The following TRPM1 variants were observed in gnomAD, a reference collection of about 807,000 sequenced individuals.
The protein encoded by TRPM1 is transient receptor potential cation channel subfamily M member 1, also known as TRPM1-203 APA Isoform, Intron 10.
In TRPM1, 113 loss-of-function variants were observed where a neutral mutation model predicts 149.4. The ratio of observed to expected loss-of-function variants is 0.76; its 90% CI spans 0.65 to 0.88. The LOEUF (loss-of-function observed/expected upper bound fraction) is 0.88, where lower values mean the gene tolerates loss of function less well. TRPM1 is among the 40% of genes least tolerant of loss of function. The probability of loss-of-function intolerance (pLI) is 0.00; values close to 1 mark genes in which losing one functional copy is unlikely to be tolerated. For synonymous variants in TRPM1, 741 were observed against 759.5 expected (o/e 0.98, Z 0.40); for missense variants, 1,976 against 2,038.7 (o/e 0.97, Z 0.59).
At chr15:31,022,993 C>T (rs953337726) in intron 27 of TRPM1, among the ~76,000 whole-genome samples, 28 of 152,210 alleles carry the variant, frequency 1.8e-4, no homozygotes, top group African/African-American at 6.8e-4. Flanking sequence ...CTGCACTGGG[C>T]ACAGAGCGAG....
chr15:31,038,163 T>A lies in TRPM1; in HGVS notation c.2320A>T (p.Ile774Phe), dbSNP rs748551122. ...RMRKNPGLKV[I>F]MGILLPPTIL... ...GTGGGGGGTAGAAGAATCCCCATGA[T>A]AACCTACGGAACATAAATTGATTTT... Residue 774 changes from isoleucine to phenylalanine, a missense_variant, in exon 19 of 28, where the codon ATC (isoleucine) becomes TTC (phenylalanine). Physicochemically the swap from Ile to Phe is conservative, Grantham distance 21. Transcript: ENST00000256552. 6.2e-7 allele frequency: 1 copy of A among 1,613,986 alleles called. No individual in the cohort carries two copies. Among genetic ancestry groups the A allele is most frequent in the African/African-American group, 1.3e-5 (1 of 74,912 alleles).
At chr15:31,066,987 C>A in intron 6 of TRPM1, 76 bp downstream of exon 6, 1 of 1,587,812 alleles carries the variant, frequency 6.3e-7, no homozygotes, top group Non-Finnish European at 8.6e-7. Context: ...CTTACAACTG[C>A]ATCTGAATCA....
In TRPM1 at chr15:31,063,913, G is replaced by T. The variant is rs138274880; in HGVS notation, c.791-621C>A. ...GGTGACCACTGAGAAATATTGGAAGGTATTCCTGGCTGGAAAAATATCCCC... is the reference window on the plus strand; with the variant it reads ...GGTGACCACTGAGAAATATTGGAAGTTATTCCTGGCTGGAAAAATATCCCC... On this transcript the variant is annotated intron_variant, in intron 7 of 27. Coordinates refer to ENST00000256552, the MANE Select transcript of TRPM1 (RefSeq NM_001252024.2). Among the ~76,000 whole-genome samples the T allele has an allele frequency of 4.6e-5, 7 of 152,252 alleles. No homozygotes were observed. The East Asian group carries it at 1.3e-3, about 29-fold the overall frequency.
intron 1 of TRPM1, among the ~76,000 whole-genome samples, chr15:31,113,513 C>G (rs1360572633): frequency 6.6e-6 from 1 of 151,732 alleles, no homozygotes; most frequent in East Asian, 1.9e-4. Flanking sequence ...TGAGAATTTT[C>G]CAAACTGTCA....
chr15:31,113,192 CTGG>C, intron 1 of TRPM1, among the ~76,000 whole-genome samples: 1 of 152,312 alleles, frequency 6.6e-6, no homozygotes, highest in East Asian at 1.9e-4. Flanking sequence ...CCTTCTCCAG[CTGG>C]TGAATGGTAA....
In TRPM1 at chr15:31,136,749, C is replaced by CTT. The variant is rs60370849; in HGVS notation, c.54+24155_54+24156dup. Among the ~76,000 whole-genome samples, 132 of 137,848 alleles carry CTT rather than the reference C, an allele frequency of 9.6e-4. 7 individuals carry two copies. The highest frequency in any genetic ancestry group is 2.8e-3 in the African/African-American group (104 of 37,390). The allele number at this position is 137,848 out of a possible 152,430, so 90.4% of individuals were successfully genotyped here. A position where few individuals can be genotyped will look rare whatever the true frequency, so the allele number is the denominator to read the frequency against. On this transcript the variant is annotated intron_variant, in intron 1 of 26. Coordinates refer to the TRPM1 transcript ENST00000542188. ...TCTGCTTTCCTCAGCCGCCCCCACC[C>CTT]TTTTTTTTTTTTTTGCCTATAAAGC...
intron 27 of TRPM1, among the ~76,000 whole-genome samples, 153 bp downstream of exon 27, chr15:31,025,986 A>G (rs1445463487): frequency 6.6e-6 from 1 of 152,248 alleles, no homozygotes; most frequent in African/African-American, 2.4e-5. Flanking sequence ...CTTTCTCACT[A>G]TTTCGTGGGA....
chr15:31,003,074 G>A lies in TRPM1; in HGVS notation c.3630-4C>T, dbSNP rs2031855386. 1 of 1,600,666 alleles carries A rather than the reference G, an allele frequency of 6.2e-7. No homozygotes were observed. The highest frequency in any genetic ancestry group is 2.2e-5 in the East Asian group (1 of 44,810). Reference sequence around the variant, plus strand: ...CCTCATTGACATATTTTCAACTCTGGTGAATATAAAGGGATAGATTTATTA... The same window carrying A: ...CCTCATTGACATATTTTCAACTCTGATGAATATAAAGGGATAGATTTATTA... On this transcript the variant is annotated splice_polypyrimidine_tract_variant and splice_region_variant and intron_variant, in intron 27 of 27. Coordinates refer to ENST00000256552, the MANE Select transcript of TRPM1 (RefSeq NM_001252024.2).
Position 31,050,522 on chromosome 15 carries a change from G to T in TRPM1, c.1324C>A (p.Pro442Thr), listed in dbSNP as rs373102819. The T allele has an allele frequency of 7.5e-5, 121 of 1,613,920 alleles. No homozygotes were observed. Among genetic ancestry groups the T allele is most frequent in the Middle Eastern group, 3.3e-4 (2 of 6,062 alleles). The part of the protein sequence containing the change: ...SKATEKEKKP[P>T]MATTKGGRGK... ...CTTCCTCCCTTGGTGGTGGCCATGG[G>T]TGGCTTCTTCTCCTTCTCCGTGGCT... Residue 442 changes from proline (P) to threonine (T), a missense_variant, in exon 12 of 28, where the codon CCC (proline) becomes ACC (threonine). Coordinates refer to ENST00000256552, the MANE Select transcript of TRPM1 (RefSeq NM_001252024.2).
Position 31,067,100 on chromosome 15 carries a change from C to T in TRPM1, c.581G>A (p.Gly194Asp). ...RVCAIGIAPW[G>D]IVENKEDLVG... ...CAGGTCTTCCTTATTCTCCACGATG[C>T]CCCATGGAGCAATTCCTATAGCACA... The change falls in exon 6 of 28, where the codon GGC becomes GAC. Residue 194 changes from glycine (G) to aspartate (D), a missense_variant. Coordinates refer to ENST00000256552, the MANE Select transcript of TRPM1 (RefSeq NM_001252024.2). 6.2e-7 allele frequency: 1 copy of T among 1,614,172 alleles called. No homozygotes were observed. Among genetic ancestry groups the T allele is most frequent in the Non-Finnish European group, 8.5e-7 (1 of 1,180,042 alleles).
At position 31,076,939 on chromosome 15, in the gene TRPM1, T is replaced by C; in HGVS notation, c.49A>G (p.Ile17Val). Reference sequence around the variant, plus strand: ...TCTTTCATGCTAGGAATTACAAAGATACATTCCCGTTTGCAAAAGGTTTTC... The same window carrying C: ...TCTTTCATGCTAGGAATTACAAAGACACATTCCCGTTTGCAAAAGGTTTTC... Reference protein sequence around the residue: ...IEKTFCKRECIFVIPSMKDSN... With the variant: ...IEKTFCKRECVFVIPSMKDSN... Residue 17 changes from isoleucine to valine, a missense_variant, in exon 3 of 28, where the codon ATC becomes GTC. Around this residue, in one of 3 missense-constraint regions of TRPM1, gnomAD observed 1,332 missense variants for 1,347.1 expected, o/e 0.99. Coordinates refer to ENST00000256552, the MANE Select transcript of TRPM1 (RefSeq NM_001252024.2). 1 of 1,612,664 alleles carries C rather than the reference T, an allele frequency of 6.2e-7. No homozygotes were observed. The highest frequency in any genetic ancestry group is 8.5e-7 in the Non-Finnish European group (1 of 1,178,658).
intron 1 of TRPM1, among the ~76,000 whole-genome samples, chr15:31,098,926 C>A (rs770934799): frequency 6.6e-6 from 1 of 152,144 alleles, no homozygotes; most frequent in African/African-American, 2.4e-5. Context: ...GAGGGGAGTG[C>A]TGTGGCCTGA....
At chr15:31,088,303 C>T (rs916361205) in intron 1 of TRPM1, among the ~76,000 whole-genome samples, 4 of 152,210 alleles carry the variant, frequency 2.6e-5, no homozygotes, top group East Asian at 3.8e-4. Flanking sequence ...TGGTCACCAG[C>T]GCCAGCCCTG....
intron 20 of TRPM1, chr15:31,036,114 G>A: frequency 2.3e-5 from 7 of 306,644 alleles, no homozygotes; most frequent in Middle Eastern, 1.1e-3. Flanking sequence ...ACATGTGGAT[G>A]AGTTGCCCAC....
chr15:31,069,540 G>C, intron 4 of TRPM1: 1 of 1,157,818 alleles, frequency 8.6e-7, no homozygotes. Flanking sequence ...ACGCTGGCAG[G>C]GCTCACTGGA....
intron 1 of TRPM1, among the ~76,000 whole-genome samples, chr15:31,131,653 G>A (rs1465561109): frequency 6.6e-6 from 1 of 152,156 alleles, no homozygotes; most frequent in African/African-American, 2.4e-5. Context: ...TGCTGTAGTG[G>A]CAGAAACATT....
intron 1 of TRPM1, among the ~76,000 whole-genome samples, chr15:31,130,599 A>C (rs2036004149): frequency 3.3e-5 from 5 of 152,108 alleles, no homozygotes; most frequent in African/African-American, 1.2e-4. Context: ...AAATAACACC[A>C]CTGTTGTAAA....
chr15:31,061,361 G>T, intron 10 of TRPM1, 81 bp downstream of exon 10: 2 of 1,397,348 alleles, frequency 1.4e-6, no homozygotes, highest in Non-Finnish European at 2.0e-6. Flanking sequence ...AGCAGACATA[G>T]TCCATGGGAG....
chr15:31,035,484 G>T lies in TRPM1; in HGVS notation c.2700+62C>A, dbSNP rs1195930835. The T allele has an allele frequency of 1.7e-5, 28 of 1,611,152 alleles. No individual in the cohort carries two copies. In the Admixed American group the frequency reaches 4.7e-4, roughly 27 times the overall value. On this transcript the variant is annotated intron_variant, in intron 21 of 27. Transcript: ENST00000256552. Reference sequence around the variant, plus strand: ...TTGCATGAAACGTTTTTTCAGTAAGGAGCCATATCTGCATTTGCAGTCAGC... The same window carrying T: ...TTGCATGAAACGTTTTTTCAGTAAGTAGCCATATCTGCATTTGCAGTCAGC...
Sources: allele counts gnomAD v4.1 joint callset (sites outside exome capture counted in the v4.1 genomes callset), GRCh38; gene constraint gnomAD v4.1.1; regional missense constraint gnomAD v4.1.1; transcripts MANE v1.5; gene names NCBI Gene and HGNC (gene_info 2026-07-23, HGNC 2026-07-21).